SECISBP2L: variants seen among roughly 807,000 people sequenced by gnomAD.
SECISBP2L encodes the protein SECIS binding protein 2 like.
SECISBP2L carries 43 observed loss-of-function variants against 114.7 expected under a neutral mutation model. That is an observed-to-expected ratio of 0.38 (90% confidence interval 0.29 to 0.48). SECISBP2L has a LOEUF of 0.48. Ranked by LOEUF, SECISBP2L falls within the 20% of genes least tolerant of loss-of-function variation. The pLI, the probability that SECISBP2L is intolerant of heterozygous loss-of-function variation, is 0.98. For synonymous variants in SECISBP2L, 451 were observed against 439.7 expected (o/e 1.03, Z -0.32); for missense variants, 1,136 against 1,301.1 (o/e 0.87, Z 1.95).
intron 12 of SECISBP2L, among the ~76,000 whole-genome samples, chr15:49,012,133 CA>C (rs35689800): frequency 0.51 from 75,024 of 146,890 alleles, 20,760 homozygotes; most frequent in Non-Finnish European, 0.63. Flanking sequence ...CTAGAGTTTC[CA>C]AAAAAAAAAA....
chr15:49,001,188 T>C (rs1902199950), intron 14 of SECISBP2L, 91 bp from the exon 15 acceptor site: 1 of 788,074 alleles, frequency 1.3e-6, no homozygotes, highest in Admixed American at 3.2e-5. Context: ...TAAGAGAAAA[T>C]ATATATGGTA....
intron 11 of SECISBP2L, among the ~76,000 whole-genome samples, chr15:49,014,541 T>C (rs149343758): frequency 1.3e-5 from 2 of 152,206 alleles, no homozygotes; most frequent in Non-Finnish European, 2.9e-5. Context: ...AAAATTCTTC[T>C]ATAATCCCTA....
intron 8 of SECISBP2L, chr15:49,017,847 G>T: frequency 2.7e-6 from 1 of 364,108 alleles, no homozygotes; most frequent in Non-Finnish European, 4.9e-6. Flanking sequence ...TCCAGTTTTT[G>T]GATTTCTGCA....
At chr15:49,044,924 C>A (rs982754864) in intron 1 of SECISBP2L, among the ~76,000 whole-genome samples, 2 of 152,124 alleles carry the variant, frequency 1.3e-5, no homozygotes, top group Admixed American at 6.5e-5. Context: ...TCATTAGTAA[C>A]ACACATACAA....
At chr15:49,042,152 TTG>T (rs1472130906) in intron 1 of SECISBP2L, among the ~76,000 whole-genome samples, 1 of 152,262 alleles carries the variant, frequency 6.6e-6, no homozygotes, top group Non-Finnish European at 1.5e-5. Context: ...ATCCACTACT[TTG>T]TTTTTAACTT....
chr15:49,023,522 C>G (rs569752757), intron 7 of SECISBP2L, among the ~76,000 whole-genome samples: 1 of 152,256 alleles, frequency 6.6e-6, no homozygotes, highest in African/African-American at 2.4e-5. Context: ...ATGAATTTAC[C>G]TTCTGACTCA....
chr15:49,036,861 G>A (rs755424129), intron 2 of SECISBP2L, among the ~76,000 whole-genome samples: 2 of 152,172 alleles, frequency 1.3e-5, no homozygotes, highest in African/African-American at 2.4e-5. Context: ...CAGCCCTCAG[G>A]AATGACAGAG....
chr15:49,016,494 C>T (rs1462800000), intron 11 of SECISBP2L, 66 bp downstream of exon 11: 68 of 1,484,988 alleles, frequency 4.6e-5, no homozygotes, highest in Admixed American at 2.2e-4. Flanking sequence ...TTAAAAATTT[C>T]GATTAACAAC....
At chr15:49,045,389 T>C (rs982188472) in intron 1 of SECISBP2L, among the ~76,000 whole-genome samples, 6 of 152,340 alleles carry the variant, frequency 3.9e-5, no homozygotes, top group Admixed American at 6.5e-5. Flanking sequence ...TCTTCTTCCG[T>C]CATCTAGTCA....
At chr15:49,040,083 T>C (rs1903092449) in intron 1 of SECISBP2L, among the ~76,000 whole-genome samples, 1 of 152,174 alleles carries the variant, frequency 6.6e-6, no homozygotes, top group Non-Finnish European at 1.5e-5. Context: ...GCTCAAAAGC[T>C]GCAAAAAATT....
At chr15:49,036,634 A>G (rs566410907) in intron 2 of SECISBP2L, among the ~76,000 whole-genome samples, 10 of 152,380 alleles carry the variant, frequency 6.6e-5, no homozygotes, top group African/African-American at 2.4e-4. Flanking sequence ...GATATTTAAT[A>G]TCATGCTAAC....
chr15:49,010,586 T>C lies in SECISBP2L; in HGVS notation c.1864+1145A>G, dbSNP rs372146090. Among the ~76,000 whole-genome samples the C allele has an allele frequency of 2.0e-3, 300 of 152,216 alleles. 1 individual carries two copies. The highest frequency in any genetic ancestry group is 0.017 in the South Asian group (81 of 4,818). The stretch of plus-strand genomic sequence containing the variant: ...AGTGCAGTGGCATGATCTCCACTCA[T>C]TGCAGCCTCAACCTCCTGGGCTCAA... On this transcript the variant is annotated intron_variant, in intron 13 of 17. Transcript: ENST00000559471.
chr15:49,003,843 G>A (rs1405811785), intron 14 of SECISBP2L, among the ~76,000 whole-genome samples: 1 of 152,208 alleles, frequency 6.6e-6, no homozygotes, highest in East Asian at 1.9e-4. Context: ...CGGTTTGCCA[G>A]TATTTTATTG....
At chr15:49,017,724 T>A in intron 8 of SECISBP2L, 96 bp from the exon 9 acceptor site, 1 of 762,088 alleles carries the variant, frequency 1.3e-6, no homozygotes, top group South Asian at 1.9e-5. Context: ...AAGTTATTTC[T>A]TGTATTCTAT....
intron 16 of SECISBP2L, among the ~76,000 whole-genome samples, chr15:48,997,099 G>T (rs1279221287): frequency 6.6e-6 from 1 of 152,162 alleles, no homozygotes; most frequent in African/African-American, 2.4e-5. Flanking sequence ...CATCAGCATT[G>T]GCCTTGAAAA....
At chr15:49,038,690 TAAC>T (rs1435307941) in intron 1 of SECISBP2L, among the ~76,000 whole-genome samples, 1 of 152,114 alleles carries the variant, frequency 6.6e-6, no homozygotes, top group African/African-American at 2.4e-5. Flanking sequence ...ATGTTATAGT[TAAC>T]AACAAATTTA....
chr15:48,993,104 T>A (rs78343224), intron 17 of SECISBP2L, among the ~76,000 whole-genome samples, 178 bp from the exon 18 acceptor site: 5,057 of 57,790 alleles, frequency 0.088, 92 homozygotes, highest in African/African-American at 0.12. Flanking sequence ...AGAGAGAGTG[T>A]GTGTGTGTGT....
chr15:49,006,282 G>A (rs1181798565), intron 14 of SECISBP2L, among the ~76,000 whole-genome samples: 1 of 152,094 alleles, frequency 6.6e-6, no homozygotes, highest in Non-Finnish European at 1.5e-5. Flanking sequence ...ACCTGCATTT[G>A]AATGTTGGCC....
At chr15:48,996,031 A>T (rs903896991) in intron 17 of SECISBP2L, 4 of 240,908 alleles carry the variant, frequency 1.7e-5, no homozygotes, top group Non-Finnish European at 3.2e-5. Context: ...CCCTTAGGAA[A>T]TATAAAATTT....
Sources: allele counts gnomAD v4.1 joint callset (sites outside exome capture counted in the v4.1 genomes callset), GRCh38; gene constraint gnomAD v4.1.1; transcripts MANE v1.5; gene names NCBI Gene and HGNC (gene_info 2026-07-23, HGNC 2026-07-21).